The following SIPA1L1 variants were observed in gnomAD, a reference collection of about 807,000 sequenced individuals.
SIPA1L1 encodes the protein signal induced proliferation associated 1 like 1, also known as signal-induced proliferation-associated 1-like protein 1.
Under a neutral mutation model 162.7 loss-of-function variants are expected in SIPA1L1, and 26 were observed. The observed-to-expected ratio is 0.16, with a 90% CI of 0.12 to 0.22. SIPA1L1 has a LOEUF of 0.22. Among genes scored for constraint, SIPA1L1 ranks in the 10% least tolerant of loss-of-function variants. The probability of loss-of-function intolerance (pLI) is 1.00; values close to 1 mark genes in which losing one functional copy is unlikely to be tolerated. For missense variants in SIPA1L1, 1,874 were observed against 2,241.0 expected, an observed-to-expected ratio of 0.84 and a Z score of 3.31; for synonymous variants, 829 against 837.4, an observed-to-expected ratio of 0.99 and a Z score of 0.17.
At position 71,648,231 on chromosome 14, in the gene SIPA1L1, AG is replaced by A. The variant is rs375101933; in HGVS notation, c.1819-2103del. Among the ~76,000 whole-genome samples the A allele has an allele frequency of 1.6e-4, 24 of 152,338 alleles. No individual in the cohort carries two copies. The East Asian group carries it at 3.7e-3, about 23-fold the overall frequency. Reference sequence around the variant, plus strand: ...CTTCAACTCCAGAGGCGGAGGTTGCAGTGAGCCAAGATTGCGCCATTGCAAT... The same window carrying A: ...CTTCAACTCCAGAGGCGGAGGTTGCATGAGCCAAGATTGCGCCATTGCAAT... On this transcript the variant is annotated intron_variant, in intron 7 of 23. Coordinates refer to ENST00000381232, the MANE Select transcript of SIPA1L1 (RefSeq NM_001386936.1).
At chr14:71,523,401 G>A (rs1209316043) in intron 3 of SIPA1L1, among the ~76,000 whole-genome samples, 4 of 150,466 alleles carry the variant, frequency 2.7e-5, no homozygotes, top group Non-Finnish European at 5.9e-5. Context: ...AAAAAAAAAA[G>A]TTAGATATGT....
chr14:71,349,707 T>C (rs1427147153), intron 2 of SIPA1L1, among the ~76,000 whole-genome samples: 1 of 152,188 alleles, frequency 6.6e-6, no homozygotes, highest in African/African-American at 2.4e-5. Context: ...ACTGGGTTTC[T>C]AATTCCTGTG....
chr14:71,365,592 T>A (rs1329656307), intron 2 of SIPA1L1, among the ~76,000 whole-genome samples: 1 of 152,196 alleles, frequency 6.6e-6, no homozygotes, highest in Non-Finnish European at 1.5e-5. Flanking sequence ...CATGTTTAAA[T>A]TAATAAATAA....
chr14:71,734,525 TTTG>T (rs1179836000), intron 21 of SIPA1L1, among the ~76,000 whole-genome samples: 23 of 152,192 alleles, frequency 1.5e-4, no homozygotes, highest in Middle Eastern at 3.2e-3. Flanking sequence ...TTTTTCTGTT[TTTG>T]TTGTTGTTGT....
At chr14:71,399,028 T>C (rs1051753118) in intron 2 of SIPA1L1, among the ~76,000 whole-genome samples, 14 of 152,152 alleles carry the variant, frequency 9.2e-5, no homozygotes, top group Non-Finnish European at 1.5e-4. Flanking sequence ...AGGGTGGAGA[T>C]AGATCTCAGC....
intron 7 of SIPA1L1, among the ~76,000 whole-genome samples, chr14:71,639,940 G>C (rs2041540975): frequency 6.6e-6 from 1 of 152,066 alleles, no homozygotes; most frequent in Non-Finnish European, 1.5e-5. Context: ...GTCTTGCTCT[G>C]TTGCCCAGGC....
At chr14:71,531,540 T>G (rs1200476107) in intron 4 of SIPA1L1, among the ~76,000 whole-genome samples, 2 of 151,940 alleles carry the variant, frequency 1.3e-5, no homozygotes, top group Non-Finnish European at 2.9e-5. Flanking sequence ...AATGTATCTT[T>G]TTTTTGTTTG....
At chr14:71,700,561 A>G (rs1324527599) in intron 14 of SIPA1L1, among the ~76,000 whole-genome samples, 4 of 152,236 alleles carry the variant, frequency 2.6e-5, no homozygotes, top group Non-Finnish European at 1.5e-5. Context: ...ACTTTAACCA[A>G]TTAGAAGTTT....
intron 3 of SIPA1L1, among the ~76,000 whole-genome samples, chr14:71,523,781 T>C (rs1353480933): frequency 1.3e-5 from 2 of 152,240 alleles, no homozygotes; most frequent in Non-Finnish European, 2.9e-5. Flanking sequence ...ACTATGGACT[T>C]GTGGATGTTT....
At chr14:71,424,556 C>T (rs1293150994) in intron 2 of SIPA1L1, among the ~76,000 whole-genome samples, 2 of 151,994 alleles carry the variant, frequency 1.3e-5, no homozygotes, top group African/African-American at 4.8e-5. Flanking sequence ...TTCATCTCTT[C>T]ATTCTGTTAA....
intron 7 of SIPA1L1, among the ~76,000 whole-genome samples, chr14:71,624,469 A>C (rs998952277): frequency 2.6e-5 from 4 of 152,224 alleles, no homozygotes; most frequent in African/African-American, 9.6e-5. Context: ...AAACTACGTT[A>C]AATTCTTTTG....
At chr14:71,621,549 C>G (rs780437912) in intron 6 of SIPA1L1, among the ~76,000 whole-genome samples, 2 of 152,168 alleles carry the variant, frequency 1.3e-5, no homozygotes, top group Non-Finnish European at 2.9e-5. Flanking sequence ...AGAGGCCTTC[C>G]TTGACCGCTG....
chr14:71,544,478 A>C (rs764873553), intron 4 of SIPA1L1, among the ~76,000 whole-genome samples: 9 of 151,894 alleles, frequency 5.9e-5, no homozygotes, highest in Non-Finnish European at 1.2e-4. Context: ...TAATAAGTCA[A>C]ATTTCTTGAG....
chr14:71,509,318 T>G (rs1448875733), intron 2 of SIPA1L1, among the ~76,000 whole-genome samples: 1 of 152,216 alleles, frequency 6.6e-6, no homozygotes, highest in Non-Finnish European at 1.5e-5. Flanking sequence ...AAAAACAAAA[T>G]CTTTCAACAA....
At chr14:71,364,231 G>A (rs1487617524) in intron 2 of SIPA1L1, among the ~76,000 whole-genome samples, 1 of 152,174 alleles carries the variant, frequency 6.6e-6, no homozygotes, top group Admixed American at 6.5e-5. Flanking sequence ...GGCAAGTGAC[G>A]TTATTTTTGA....
At chr14:71,575,107 C>A (rs1056068888) in intron 4 of SIPA1L1, 1 of 152,150 alleles carries the variant, frequency 6.6e-6, no homozygotes, top group Non-Finnish European at 1.5e-5. Flanking sequence ...AGCATTTCAT[C>A]CAGCATTTTT....
intron 2 of SIPA1L1, among the ~76,000 whole-genome samples, chr14:71,481,134 A>G (rs2048323030): frequency 1.3e-5 from 2 of 152,146 alleles, no homozygotes; most frequent in African/African-American, 4.8e-5. Context: ...ATGTGATTTG[A>G]TATGTTTTCA....
At chr14:71,344,347 GTTA>G (rs1386664192) in intron 2 of SIPA1L1, among the ~76,000 whole-genome samples, 1 of 152,148 alleles carries the variant, frequency 6.6e-6, no homozygotes, top group Non-Finnish European at 1.5e-5. Context: ...TTAACTCAAG[GTTA>G]TTATAAAGAT....
At chr14:71,342,956 A>G (rs979788679) in intron 2 of SIPA1L1, among the ~76,000 whole-genome samples, 20 of 152,226 alleles carry the variant, frequency 1.3e-4, no homozygotes, top group African/African-American at 4.6e-4. Context: ...GTGGCCAAAG[A>G]AGGCCACGAT....
Sources: gnomAD v4.1 joint callset for allele counts (sites outside exome capture counted in the v4.1 genomes callset) on GRCh38, gnomAD v4.1.1 for gene constraint, MANE v1.5 for transcripts, NCBI Gene and HGNC (gene_info 2026-07-23, HGNC 2026-07-21) for gene names.